Variants in PLEKHA6 observed in about 807,000 individuals in gnomAD.
PLEKHA6 encodes pleckstrin homology domain-containing family A member 6.
A neutral mutation model predicts 116.7 loss-of-function variants in PLEKHA6; 60 were observed. The observed-to-expected ratio is 0.51, with a 90% CI of 0.42 to 0.64. The LOEUF is 0.64. PLEKHA6 is among the 30% of genes least tolerant of loss of function. The pLI is 0.00. For synonymous variants in PLEKHA6, 489 were observed against 556.1 expected (o/e 0.88, Z 1.70); for missense variants, 1,338 against 1,422.7 (o/e 0.94, Z 0.96).
At chr1:204,271,116 C>T (rs138885544) in intron 3 of PLEKHA6, among the ~76,000 whole-genome samples, 226 of 152,334 alleles carry the variant, frequency 1.5e-3, no homozygotes, top group African/African-American at 5.3e-3. Context: ...TTTCTTAAAA[C>T]ATTATGATTT....
At chr1:204,333,043 C>T (rs1306505511) in intron 1 of PLEKHA6, among the ~76,000 whole-genome samples, 1 of 152,244 alleles carries the variant, frequency 6.6e-6, no homozygotes, top group African/African-American at 2.4e-5. Flanking sequence ...TGCAATGCCT[C>T]CGCCAAATGA....
intron 18 of PLEKHA6, 60 bp from the exon 19 acceptor site, chr1:204,229,164 C>T: frequency 6.5e-7 from 1 of 1,542,550 alleles, no homozygotes; most frequent in Non-Finnish European, 8.8e-7. Context: ...GCAGCTCTAG[C>T]TATGCCCTGT....
intron 1 of PLEKHA6, chr1:204,325,815 A>G: frequency 2.1e-5 from 14 of 667,452 alleles, no homozygotes; most frequent in Non-Finnish European, 2.6e-5. Context: ...CCCTAAGGTC[A>G]CTTAGTCCTG....
At chr1:204,336,217 C>A (rs1281897110) in intron 1 of PLEKHA6, among the ~76,000 whole-genome samples, 1 of 152,122 alleles carries the variant, frequency 6.6e-6, no homozygotes, top group African/African-American at 2.4e-5. Flanking sequence ...GTCCAGCAAC[C>A]CACCTGCACC....
intron 1 of PLEKHA6, among the ~76,000 whole-genome samples, chr1:204,316,978 A>G (rs1572171568): frequency 6.6e-6 from 1 of 152,154 alleles, no homozygotes; most frequent in East Asian, 1.9e-4. Context: ...CACATAATCT[A>G]CCGTGCCATC....
intron 1 of PLEKHA6, chr1:204,280,354 A>G (rs1341005864): frequency 2.0e-6 from 2 of 985,290 alleles, no homozygotes; most frequent in African/African-American, 3.5e-5. Context: ...ATGTTTACAC[A>G]TGCACACACA....
intron 1 of PLEKHA6, among the ~76,000 whole-genome samples, chr1:204,349,540 C>CAA (rs11403796): frequency 0.022 from 2,546 of 114,916 alleles, 59 homozygotes; most frequent in Middle Eastern, 0.036. Context: ...GACTCCATCT[C>CAA]AAAAAAAAAA....
chr1:204,342,836 A>G lies in PLEKHA6; in HGVS notation c.-95+16858T>C, dbSNP rs1484255681. Among the ~76,000 whole-genome samples, 6 of 152,400 alleles carry G rather than the reference A, an allele frequency of 3.9e-5. No individual in the cohort carries two copies. In the East Asian group the frequency reaches 1.2e-3, roughly 29 times the overall value. The stretch of plus-strand genomic sequence containing the variant: ...TGATAAGCAAATGCAATGAATGAGC[A>G]AAGAAGAATAAAAGAGACCCACTGA... On this transcript the variant is annotated intron_variant, in intron 1 of 22. Transcript: ENST00000272203.
chr1:204,354,063 T>C (rs1446674099), intron 1 of PLEKHA6, among the ~76,000 whole-genome samples: 1 of 152,144 alleles, frequency 6.6e-6, no homozygotes, highest in Non-Finnish European at 1.5e-5. Flanking sequence ...TTGCAAGAAT[T>C]TGTCTAATTA....
At chr1:204,363,903 C>T (rs1405492724), upstream of PLEKHA6, among the ~76,000 whole-genome samples, 1 of 152,158 alleles carries the variant, frequency 6.6e-6, no homozygotes, top group Admixed American at 6.5e-5. Context: ...CACGTTTTAA[C>T]CTTTCGCTTG....
At chr1:204,332,940 T>C (rs917590173) in intron 1 of PLEKHA6, among the ~76,000 whole-genome samples, 1 of 152,176 alleles carries the variant, frequency 6.6e-6, no homozygotes, top group African/African-American at 2.4e-5. Context: ...GAGCTCTCAG[T>C]AGAAAAGACG....
chr1:204,292,017 G>C (rs1669816820), intron 1 of PLEKHA6, among the ~76,000 whole-genome samples: 1 of 152,164 alleles, frequency 6.6e-6, no homozygotes, highest in African/African-American at 2.4e-5. Flanking sequence ...AATGAGGGTG[G>C]GAATGGGTAT....
At chr1:204,256,064 C>G (rs1381854978) in intron 9 of PLEKHA6, among the ~76,000 whole-genome samples, 1 of 152,190 alleles carries the variant, frequency 6.6e-6, no homozygotes, top group East Asian at 1.9e-4. Flanking sequence ...AGCTTATATG[C>G]TGTGGACACT....
intron 1 of PLEKHA6, among the ~76,000 whole-genome samples, chr1:204,318,515 G>A (rs976594084): frequency 6.6e-6 from 1 of 152,172 alleles, no homozygotes; most frequent in Non-Finnish European, 1.5e-5. Flanking sequence ...GGGGAAGGCC[G>A]GCCCTCGGAA....
chr1:204,256,756 C>T (rs1015440785), intron 9 of PLEKHA6: 14 of 517,638 alleles, frequency 2.7e-5, no homozygotes, highest in African/African-American at 1.2e-4. Flanking sequence ...GAGTGGAGCA[C>T]GGTGCGGGGA....
chr1:204,331,070 C>T (rs761812501), intron 1 of PLEKHA6, among the ~76,000 whole-genome samples: 1 of 152,066 alleles, frequency 6.6e-6, no homozygotes, highest in African/African-American at 2.4e-5. Flanking sequence ...GTTGGCGGCG[C>T]ATGCCTCTAA....
chr1:204,345,745 C>T (rs1434401783), intron 1 of PLEKHA6, among the ~76,000 whole-genome samples: 1 of 152,134 alleles, frequency 6.6e-6, no homozygotes. Flanking sequence ...CTATGTTCTG[C>T]TCCCCCTGAC....
intron 17 of PLEKHA6, among the ~76,000 whole-genome samples, chr1:204,235,018 T>C (rs1186330040): frequency 1.7e-5 from 1 of 60,380 alleles, no homozygotes; most frequent in Admixed American, 1.8e-4. Flanking sequence ...ATATATCTAA[T>C]AGCAGATATA....
chr1:204,372,594 T>C (rs1190957780), intron 1 of PLEKHA6, among the ~76,000 whole-genome samples: 1 of 152,172 alleles, frequency 6.6e-6, no homozygotes, highest in Non-Finnish European at 1.5e-5. Flanking sequence ...AAAGACTCCA[T>C]TAAACTTTTA....
Sources: allele counts gnomAD v4.1 joint callset (sites outside exome capture counted in the v4.1 genomes callset), GRCh38; gene constraint gnomAD v4.1.1; transcripts MANE v1.5; gene names NCBI Gene and HGNC (gene_info 2026-07-23, HGNC 2026-07-21).